The following CEP97 variants were observed in gnomAD, a reference collection of about 807,000 sequenced individuals.
CEP97 encodes the protein centrosomal protein 97.
Under a neutral mutation model 73.1 loss-of-function variants are expected in CEP97, and 43 were observed. That is an observed-to-expected ratio of 0.59 (90% CI 0.46 to 0.76). The LOEUF (loss-of-function observed/expected upper bound fraction) is 0.76, where lower values mean the gene tolerates loss of function less well. Ranked by LOEUF, CEP97 falls within the 30% of genes least tolerant of loss-of-function variation. CEP97 has a pLI of 0.00. For synonymous variants in CEP97, 337 were observed against 370.0 expected, an observed-to-expected ratio of 0.91 and a Z score of 1.02; for missense variants, 939 against 1,014.0, an observed-to-expected ratio of 0.93 and a Z score of 1.00.
chr3:101,732,698 C>G, intron 6 of CEP97, 44 bp downstream of exon 6: 1 of 1,515,210 alleles, frequency 6.6e-7, no homozygotes, highest in South Asian at 1.2e-5. Flanking sequence ...CTGAAAAGAC[C>G]ATTTCTAGTT....
At position 101,769,616 on chromosome 3, in the gene CEP97, G is replaced by A. The variant is rs1939410470; in HGVS notation, c.*4065G>A. The A allele has an allele frequency of 1.3e-5, 2 of 151,954 alleles. No homozygotes were observed. Among genetic ancestry groups the A allele is most frequent in the African/African-American group, 2.4e-5 (1 of 41,366 alleles). The allele number at this position is 151,954 out of a possible 1,614,324, so 9.4% of individuals were successfully genotyped here. A position where few individuals can be genotyped will look rare whatever the true frequency, so the allele number is the denominator to read the frequency against. On this transcript the variant is annotated 3_prime_UTR_variant, in exon 11 of 11. Coordinates refer to ENST00000341893, the MANE Select transcript of CEP97 (RefSeq NM_024548.4). ...CAGGTGTGAGCCACTGTGCCCAGCCGAGACTTCATTGTTTAATGTATATTT... is the reference window on the plus strand; with the variant it reads ...CAGGTGTGAGCCACTGTGCCCAGCCAAGACTTCATTGTTTAATGTATATTT...
chr3:101,726,145 A>C (rs1015256261), intron 1 of CEP97, among the ~76,000 whole-genome samples: 1 of 152,164 alleles, frequency 6.6e-6, no homozygotes, highest in Admixed American at 6.5e-5. Flanking sequence ...TGGGTGTATT[A>C]TCCTATTTTA....
chr3:101,757,347 C>T (rs1383569182), intron 8 of CEP97, 151 bp downstream of exon 8: 1 of 814,450 alleles, frequency 1.2e-6, no homozygotes, highest in African/African-American at 1.7e-5. Flanking sequence ...TATGTATAAA[C>T]ACACCTATAT....
chr3:101,738,666 C>G (rs1042260302), intron 6 of CEP97, among the ~76,000 whole-genome samples: 1 of 152,178 alleles, frequency 6.6e-6, no homozygotes, highest in Non-Finnish European at 1.5e-5. Context: ...CCCAGAATCT[C>G]TGGTACACAT....
At position 101,765,241 on chromosome 3, in the gene CEP97, CAAAT is replaced by C; in HGVS notation, c.2291_2294del (p.Asn764ThrfsTer12). On this transcript the variant is annotated frameshift_variant, in exon 11 of 11. Transcript: ENST00000341893. LOFTEE classifies it low-confidence loss of function (END_TRUNC). ...CATGGTGAATGGAATAAGGAAAGCT[CAAAT>C]AACGAGCAGGACAATAGTCTGCTTG... is the stretch of plus-strand genomic sequence containing the variant. 6.2e-7 allele frequency: 1 copy of C among 1,614,136 alleles called. No homozygotes were observed. The highest frequency in any genetic ancestry group is 8.5e-7 in the Non-Finnish European group (1 of 1,180,018).
chr3:101,756,294 G>A (rs1241435803), intron 7 of CEP97, among the ~76,000 whole-genome samples: 1 of 151,862 alleles, frequency 6.6e-6, no homozygotes, highest in Non-Finnish European at 1.5e-5. Context: ...CCTAACCTCA[G>A]GTGATCTGCC....
rs201166758 is a variant in CEP97, at chr3:101,732,639, T to C, written c.713T>C (p.Ile238Thr). ...LNLRVLDGYV[I>T]SQKESLKAEW... Reference sequence around the variant, plus strand: ...CTCAGAGTCCTAGATGGATATGTGATTTCTCAGAAGGAAAGGTAAACATGT... The same window carrying C: ...CTCAGAGTCCTAGATGGATATGTGACTTCTCAGAAGGAAAGGTAAACATGT... The change falls in exon 6 of 11, where the codon ATT (isoleucine) becomes ACT (threonine). Residue 238 changes from isoleucine to threonine, a missense_variant. Physicochemically the swap from Ile to Thr is moderately conservative, Grantham distance 89. Coordinates refer to ENST00000341893, the MANE Select transcript of CEP97 (RefSeq NM_024548.4). The C allele has an allele frequency of 1.4e-4, 217 of 1,606,242 alleles. 3 individuals are homozygous for C. In the East Asian group the frequency reaches 2.8e-3, roughly 21 times the overall value.
At chr3:101,725,689 C>A (rs1289906037) in intron 1 of CEP97, among the ~76,000 whole-genome samples, 1 of 152,130 alleles carries the variant, frequency 6.6e-6, no homozygotes, top group Non-Finnish European at 1.5e-5. Context: ...ATAATTATTT[C>A]CTGCAGTAGT....
chr3:101,724,622 A>G lies in CEP97; in HGVS notation c.-55A>G. 6.2e-7 allele frequency: 1 copy of G among 1,606,880 alleles called. No homozygotes were observed. The highest frequency in any genetic ancestry group is 8.5e-7 in the Non-Finnish European group (1 of 1,173,612). On this transcript the variant is annotated 5_prime_UTR_variant, in exon 1 of 11. Transcript: ENST00000341893. ...TTCCGGCTCCCTCCTTCAGATTACAAGCTCCACAGAGCCGCGGGAGGACGG... is the reference window on the plus strand; with the variant it reads ...TTCCGGCTCCCTCCTTCAGATTACAGGCTCCACAGAGCCGCGGGAGGACGG...
intron 1 of CEP97, among the ~76,000 whole-genome samples, chr3:101,725,823 A>G (rs1435283655): frequency 6.7e-6 from 1 of 149,872 alleles, no homozygotes. Flanking sequence ...AGCAGTTAAC[A>G]TTTACAGAGC....
At chr3:101,746,123 T>C (rs1938607473) in intron 6 of CEP97, among the ~76,000 whole-genome samples, 2 of 152,232 alleles carry the variant, frequency 1.3e-5, no homozygotes, top group South Asian at 2.1e-4. Context: ...CCATGGTGTA[T>C]ATGTGCCACA....
chr3:101,744,931 G>T (rs2107158903), intron 6 of CEP97, among the ~76,000 whole-genome samples: 1 of 152,326 alleles, frequency 6.6e-6, no homozygotes, highest in East Asian at 1.9e-4. Context: ...ATGTATCCTA[G>T]ATTCTTTGAT....
chr3:101,732,856 G>T (rs1938157087), intron 6 of CEP97, among the ~76,000 whole-genome samples: 1 of 152,094 alleles, frequency 6.6e-6, no homozygotes, highest in Admixed American at 6.5e-5. Flanking sequence ...CTGGTGCAGT[G>T]GCTCATGCCT....
chr3:101,750,992 T>A (rs965177622), intron 6 of CEP97, among the ~76,000 whole-genome samples: 22 of 152,206 alleles, frequency 1.4e-4, no homozygotes, highest in Non-Finnish European at 5.9e-5. Context: ...CTAGTTCTTT[T>A]AATTGTGATG....
intron 7 of CEP97, among the ~76,000 whole-genome samples, chr3:101,756,523 G>A (rs367873982): frequency 2.0e-5 from 3 of 151,570 alleles, no homozygotes; most frequent in African/African-American, 4.9e-5. Flanking sequence ...CTACAGGCAC[G>A]CACCACCAAG....
At chr3:101,754,920 G>A (rs1431744083) in intron 6 of CEP97, among the ~76,000 whole-genome samples, 3 of 146,888 alleles carry the variant, frequency 2.0e-5, no homozygotes, top group Non-Finnish European at 3.0e-5. Context: ...TTTGAGGGGT[G>A]GACTATAAGG....
At chr3:101,734,008 T>C (rs917002772) in intron 6 of CEP97, among the ~76,000 whole-genome samples, 5 of 151,874 alleles carry the variant, frequency 3.3e-5, no homozygotes, top group African/African-American at 1.2e-4. Flanking sequence ...GTATTTTTAG[T>C]GGAGGCAGGG....
chr3:101,756,066 T>C (rs1309211325), intron 7 of CEP97, among the ~76,000 whole-genome samples: 1 of 138,000 alleles, frequency 7.2e-6, no homozygotes, highest in Non-Finnish European at 1.6e-5. Context: ...ATATTTGTTC[T>C]TTTTTTTTTT....
chr3:101,760,883 A>G (rs1485096832), intron 9 of CEP97, among the ~76,000 whole-genome samples: 1 of 151,400 alleles, frequency 6.6e-6, no homozygotes, highest in African/African-American at 2.4e-5. Flanking sequence ...TTTTTTTGAG[A>G]TGGAGTCTTG....
Sources: gnomAD v4.1 joint callset for allele counts (sites outside exome capture counted in the v4.1 genomes callset) on GRCh38, gnomAD v4.1.1 for gene constraint, MANE v1.5 for transcripts, NCBI Gene and HGNC (gene_info 2026-07-23, HGNC 2026-07-21) for gene names.